TMEM163: variants seen among roughly 807,000 people sequenced by gnomAD.
TMEM163 encodes transmembrane protein 163.
A neutral mutation model predicts 29.3 loss-of-function variants in TMEM163; 17 were observed. That is an observed-to-expected ratio of 0.58 (90% CI 0.40 to 0.87). TMEM163 has a LOEUF of 0.87. Ranked by LOEUF, TMEM163 falls within the 40% of genes least tolerant of loss-of-function variation. The pLI is 0.00. For synonymous variants in TMEM163, 157 were observed against 160.6 expected (o/e 0.98, Z 0.17); for missense variants, 303 against 381.5 (o/e 0.79, Z 1.71).
At chr2:134,512,535 G>A (rs894156321) in intron 4 of TMEM163, among the ~76,000 whole-genome samples, 4 of 152,214 alleles carry the variant, frequency 2.6e-5, no homozygotes, top group African/African-American at 9.6e-5. Context: ...TTGATAAAGA[G>A]GAGTGAAAAG....
chr2:134,713,477 T>A, intron 1 of TMEM163, 158 bp from the exon 2 acceptor site: 1 of 1,091,306 alleles, frequency 9.2e-7, no homozygotes. Flanking sequence ...AGATTTCACA[T>A]GAAAATCAAG....
chr2:134,516,572 A>T (rs1007737398), intron 4 of TMEM163, among the ~76,000 whole-genome samples: 3 of 149,196 alleles, frequency 2.0e-5, no homozygotes, highest in African/African-American at 7.4e-5. Flanking sequence ...AAAATAAATA[A>T]ATATATATAT....
At chr2:134,574,912 A>G (rs2104788280) in intron 2 of TMEM163, among the ~76,000 whole-genome samples, 1 of 152,262 alleles carries the variant, frequency 6.6e-6, no homozygotes, top group Middle Eastern at 3.4e-3. Flanking sequence ...ATGGGGTTCC[A>G]TCTACATTAG....
At chr2:134,690,829 C>T (rs1395157893) in intron 2 of TMEM163, among the ~76,000 whole-genome samples, 1 of 152,188 alleles carries the variant, frequency 6.6e-6, no homozygotes, top group African/African-American at 2.4e-5. Context: ...AAGCCTAATA[C>T]TAGCAAAATG....
intron 2 of TMEM163, among the ~76,000 whole-genome samples, chr2:134,688,532 T>A (rs1195902230): frequency 1.3e-5 from 2 of 152,136 alleles, no homozygotes; most frequent in African/African-American, 4.8e-5. Context: ...AAAATATTCC[T>A]AAACAGGAAA....
chr2:134,691,556 A>G (rs920303433), intron 2 of TMEM163, among the ~76,000 whole-genome samples: 2 of 152,240 alleles, frequency 1.3e-5, no homozygotes, highest in Admixed American at 6.5e-5. Flanking sequence ...ACACATACAC[A>G]TGCTCATACA....
intron 2 of TMEM163, among the ~76,000 whole-genome samples, chr2:134,661,754 G>A (rs150675691): frequency 3.9e-5 from 6 of 152,106 alleles, no homozygotes; most frequent in African/African-American, 1.2e-4. Context: ...ACACATTCTT[G>A]AGAAGGCACT....
chr2:134,484,321 G>GT (rs1297873124), intron 5 of TMEM163, among the ~76,000 whole-genome samples: 34 of 151,670 alleles, frequency 2.2e-4, no homozygotes, highest in South Asian at 4.2e-4. Flanking sequence ...GAAAACACAA[G>GT]TTTTTTTTTC....
At chr2:134,703,867 G>A (rs912199652) in intron 2 of TMEM163, among the ~76,000 whole-genome samples, 5 of 149,530 alleles carry the variant, frequency 3.3e-5, no homozygotes, top group East Asian at 2.0e-4. Context: ...AAAAAAGATC[G>A]AAAATATCTT....
intron 4 of TMEM163, among the ~76,000 whole-genome samples, chr2:134,526,421 C>A (rs914645298): frequency 6.6e-6 from 1 of 152,232 alleles, no homozygotes; most frequent in East Asian, 1.9e-4. Context: ...TCCTACAGCA[C>A]CACTAATAAT....
In TMEM163 at chr2:134,456,466, A is replaced by T; in HGVS notation, c.*250T>A. On this transcript the variant is annotated 3_prime_UTR_variant, in exon 8 of 8. Coordinates refer to ENST00000281924, the MANE Select transcript of TMEM163 (RefSeq NM_030923.5). ...AGAACCATCATACTCCAGAGACTAA[A>T]AAACGCCAGTCCCAGCTGGAGACGG... The T allele has an allele frequency of 1.9e-6, 1 of 530,964 alleles. No homozygotes were observed. The highest frequency in any genetic ancestry group is 1.9e-5 in the African/African-American group (1 of 52,176). 32.9% of individuals were successfully genotyped at this position (530,964 alleles called of 1,614,324 possible).
intron 4 of TMEM163, among the ~76,000 whole-genome samples, chr2:134,507,195 G>A (rs1449173793): frequency 3.3e-5 from 5 of 152,096 alleles, no homozygotes; most frequent in Non-Finnish European, 5.9e-5. Context: ...AATTAGCTGG[G>A]CATGGTGGTG....
At chr2:134,536,065 G>A (rs1045507629) in intron 4 of TMEM163, among the ~76,000 whole-genome samples, 5 of 152,132 alleles carry the variant, frequency 3.3e-5, no homozygotes, top group East Asian at 1.9e-4. Flanking sequence ...ATATTTAGAC[G>A]GAGGGCGCAC....
intron 4 of TMEM163, among the ~76,000 whole-genome samples, chr2:134,508,975 A>G (rs1392523535): frequency 6.6e-6 from 1 of 152,256 alleles, no homozygotes; most frequent in East Asian, 1.9e-4. Flanking sequence ...TCAACAAATG[A>G]CCTGTGGTTT....
intron 2 of TMEM163, among the ~76,000 whole-genome samples, chr2:134,566,304 C>T (rs1342825891): frequency 2.0e-5 from 3 of 152,118 alleles, no homozygotes; most frequent in Non-Finnish European, 2.9e-5. Flanking sequence ...ATTTTGCTCA[C>T]GCCTGTAATC....
intron 2 of TMEM163, among the ~76,000 whole-genome samples, chr2:134,630,841 T>C (rs549881144): frequency 3.3e-5 from 5 of 152,292 alleles, no homozygotes; most frequent in Admixed American, 6.5e-5. Flanking sequence ...GTGTTTTGTA[T>C]GGGAGATGTG....
intron 2 of TMEM163, among the ~76,000 whole-genome samples, chr2:134,641,856 T>A (rs1683227333): frequency 6.6e-6 from 1 of 152,098 alleles, no homozygotes; most frequent in Non-Finnish European, 1.5e-5. Context: ...CAAATATAAT[T>A]ATATAAATAG....
intron 3 of TMEM163, among the ~76,000 whole-genome samples, chr2:134,551,589 G>A (rs1680925596): frequency 6.6e-6 from 1 of 152,192 alleles, no homozygotes. Context: ...AGCCTGTGAA[G>A]CAGAGACCCA....
chr2:134,537,707 GATTC>G, intron 4 of TMEM163, among the ~76,000 whole-genome samples: 1 of 152,286 alleles, frequency 6.6e-6, no homozygotes, highest in Admixed American at 6.5e-5. Flanking sequence ...ATTTGAGCTT[GATTC>G]ATCTGAGTCC....
Sources: allele counts gnomAD v4.1 joint callset (sites outside exome capture counted in the v4.1 genomes callset), GRCh38; gene constraint gnomAD v4.1.1; transcripts MANE v1.5; gene names NCBI Gene and HGNC (gene_info 2026-07-23, HGNC 2026-07-21).